Variants in ST18 observed in about 807,000 individuals in gnomAD.
The protein encoded by ST18 is ST18 C2H2C-type zinc finger transcription factor.
In ST18, 50 loss-of-function variants were observed where a neutral mutation model predicts 110.0. The observed-to-expected ratio is 0.45, with a 90% CI of 0.36 to 0.58. The LOEUF (loss-of-function observed/expected upper bound fraction) is 0.58. Among genes scored for constraint, ST18 ranks in the 20% least tolerant of loss-of-function variants. The pLI, the probability that ST18 is intolerant of heterozygous loss-of-function variation, is 0.00. For synonymous variants in ST18, 461 were observed against 452.4 expected (o/e 1.02, Z -0.24); for missense variants, 1,306 against 1,280.1 (o/e 1.02, Z -0.31).
chr8:52,227,189 T>A (rs980552919), intron 3 of ST18, among the ~76,000 whole-genome samples: 4 of 152,192 alleles, frequency 2.6e-5, no homozygotes, highest in Admixed American at 6.5e-5. Flanking sequence ...TAAAGATTTT[T>A]AAAAAATACA....
chr8:52,169,971 A>C (rs2064254040), intron 10 of ST18, among the ~76,000 whole-genome samples: 1 of 152,234 alleles, frequency 6.6e-6, no homozygotes. Context: ...AAAAAAAAGA[A>C]GTTTCAAAAG....
chr8:52,388,270 C>G (rs997561487), intron 2 of ST18, among the ~76,000 whole-genome samples: 1 of 151,908 alleles, frequency 6.6e-6, no homozygotes, highest in South Asian at 2.1e-4. Context: ...CAGCGCGCTC[C>G]GAGCACACCT....
At chr8:52,297,705 T>G (rs780567442) in intron 2 of ST18, among the ~76,000 whole-genome samples, 5 of 152,196 alleles carry the variant, frequency 3.3e-5, no homozygotes, top group Non-Finnish European at 7.3e-5. Context: ...AAACATGTAA[T>G]GTATAACTAA....
intron 2 of ST18, among the ~76,000 whole-genome samples, chr8:52,393,384 T>G (rs1434336737): frequency 6.6e-6 from 1 of 152,126 alleles, no homozygotes; most frequent in Non-Finnish European, 1.5e-5. Context: ...CATCACCATA[T>G]AGACTCAGTC....
intron 2 of ST18, among the ~76,000 whole-genome samples, chr8:52,268,510 T>TC (rs1554799006): frequency 5.6e-5 from 6 of 106,372 alleles, no homozygotes; most frequent in South Asian, 2.6e-4. Context: ...TATCTATCTA[T>TC]TTATCTATCT....
intron 8 of ST18, among the ~76,000 whole-genome samples, chr8:52,210,367 T>C (rs1333886474): frequency 6.6e-6 from 1 of 152,170 alleles, no homozygotes; most frequent in African/African-American, 2.4e-5. Context: ...ACTTTCAAAA[T>C]TAAGATTCTT....
intron 22 of ST18, among the ~76,000 whole-genome samples, chr8:52,129,108 C>A (rs2048203629): frequency 6.6e-6 from 1 of 152,070 alleles, no homozygotes; most frequent in African/African-American, 2.4e-5. Context: ...GAAAGAAGAT[C>A]ATCTGTGTTG....
intron 2 of ST18, among the ~76,000 whole-genome samples, chr8:52,263,483 C>A (rs2094762573): frequency 6.6e-6 from 1 of 152,204 alleles, no homozygotes; most frequent in African/African-American, 2.4e-5. Flanking sequence ...ATTAGCATGG[C>A]ACTCTGAGTG....
chr8:52,152,549 C>T (rs1055100498), intron 15 of ST18, among the ~76,000 whole-genome samples: 4 of 152,186 alleles, frequency 2.6e-5, no homozygotes, highest in African/African-American at 9.7e-5. Flanking sequence ...CGATTTCAGC[C>T]ACTTTTGAGC....
At chr8:52,127,472 G>A (rs1449384509) in intron 22 of ST18, among the ~76,000 whole-genome samples, 2 of 152,104 alleles carry the variant, frequency 1.3e-5, no homozygotes, top group Non-Finnish European at 2.9e-5. Context: ...GTCACATATT[G>A]TATTCTGAGA....
At chr8:52,227,977 CA>C (rs1388221828) in intron 3 of ST18, among the ~76,000 whole-genome samples, 1 of 152,066 alleles carries the variant, frequency 6.6e-6, no homozygotes, top group Non-Finnish European at 1.5e-5. Flanking sequence ...TTGAAATAAG[CA>C]AAAAATAACA....
intron 2 of ST18, among the ~76,000 whole-genome samples, chr8:52,367,468 A>G (rs1455171675): frequency 6.6e-6 from 1 of 152,174 alleles, no homozygotes; most frequent in Non-Finnish European, 1.5e-5. Flanking sequence ...TATCCTTAGG[A>G]TAAATACTAA....
At chr8:52,171,716 AAAT>A in intron 10 of ST18, 73 bp downstream of exon 10, 3 of 1,521,450 alleles carry the variant, frequency 2.0e-6, no homozygotes, top group South Asian at 2.4e-5. Context: ...TACCTGAAAA[AAAT>A]AATCAAATCT....
At chr8:52,145,227 G>A (rs1425000443) in intron 16 of ST18, among the ~76,000 whole-genome samples, 2 of 151,868 alleles carry the variant, frequency 1.3e-5, no homozygotes, top group East Asian at 3.9e-4. Context: ...AAGAGAATGG[G>A]GAATTTTGAA....
At chr8:52,121,556 T>A (rs2044809692) in intron 23 of ST18, among the ~76,000 whole-genome samples, 1 of 152,212 alleles carries the variant, frequency 6.6e-6, no homozygotes, top group South Asian at 2.1e-4. Context: ...TTAACTCGTA[T>A]GATCCTCATT....
At chr8:52,239,820 G>C (rs1347109700) in intron 2 of ST18, among the ~76,000 whole-genome samples, 1 of 151,856 alleles carries the variant, frequency 6.6e-6, no homozygotes, top group Non-Finnish European at 1.5e-5. Flanking sequence ...TTTGAGACAG[G>C]TCTCACTCTG....
intron 2 of ST18, among the ~76,000 whole-genome samples, chr8:52,379,840 T>C (rs1250397658): frequency 1.3e-5 from 2 of 152,194 alleles, no homozygotes; most frequent in African/African-American, 4.8e-5. Context: ...AGATTAACTT[T>C]AGAACATACT....
chr8:52,348,166 A>C (rs1283999374), intron 2 of ST18, among the ~76,000 whole-genome samples: 1 of 152,188 alleles, frequency 6.6e-6, no homozygotes, highest in African/African-American at 2.4e-5. Context: ...AATAAGTATC[A>C]CATGTGGCTC....
At chr8:52,156,418 C>A (rs999639909) in intron 15 of ST18, among the ~76,000 whole-genome samples, 2 of 152,108 alleles carry the variant, frequency 1.3e-5, no homozygotes, top group Admixed American at 6.5e-5. Context: ...GAGAAATAAG[C>A]GTACTAATAG....
Sources: gnomAD v4.1 joint callset for allele counts (sites outside exome capture counted in the v4.1 genomes callset) on GRCh38, gnomAD v4.1.1 for gene constraint, MANE v1.5 for transcripts, NCBI Gene and HGNC (gene_info 2026-07-23, HGNC 2026-07-21) for gene names.